ZFP82: variants seen among roughly 807,000 people sequenced by gnomAD.
ZFP82 encodes zinc finger protein 82 homolog.
ZFP82 carries 30 observed loss-of-function variants against 54.0 expected under a neutral mutation model. That is an observed-to-expected ratio of 0.56 (90% CI 0.42 to 0.75). The LOEUF (loss-of-function observed/expected upper bound fraction) is 0.75. ZFP82 is among the 30% of genes least tolerant of loss of function. The pLI is 0.00. For missense variants in ZFP82, 500 were observed against 636.8 expected, an observed-to-expected ratio of 0.79 and a Z score of 2.31; for synonymous variants, 194 against 209.5, an observed-to-expected ratio of 0.93 and a Z score of 0.64.
At chr19:36,416,741 A>G in intron 1 of ZFP82, among the ~76,000 whole-genome samples, 1 of 130,904 alleles carries the variant, frequency 7.6e-6, no homozygotes, top group African/African-American at 2.9e-5. Flanking sequence ...GGGAAATAAG[A>G]GCGAAACTCC....
At position 36,410,443 on chromosome 19, in the gene ZFP82, GTGTGTGTA is replaced by G. The variant is rs938489075; in HGVS notation, c.-78-584_-78-577del. 1.8e-3 allele frequency among the ~76,000 whole-genome samples: 281 copies of G among 151,910 alleles called. 1 individual carries two copies. The highest frequency in any genetic ancestry group is 3.4e-3 in the Middle Eastern group (1 of 294). ...GGGTGTTATATATGTATGTGTGTGT[GTGTGTGTA>G]TATGTGTGTGTATATATATATATTT... On this transcript the variant is annotated intron_variant, in intron 1 of 4. Transcript: ENST00000392161.
In ZFP82 at chr19:36,414,327, G is replaced by GAT. The variant is rs376676952; in HGVS notation, c.-79+4163_-79+4164dup. Among the ~76,000 whole-genome samples, 782 of 149,798 alleles carry GAT rather than the reference G, an allele frequency of 5.2e-3. 7 individuals are homozygous for GAT. Among genetic ancestry groups the GAT allele is most frequent in the African/African-American group, 0.018 (750 of 40,752 alleles). On this transcript the variant is annotated intron_variant, in intron 1 of 4. Transcript: ENST00000392161. ...TTTTCAGCATTGCTCTTAAAACATTGATAAATGTTAGAACTAGGCTTGAAA... is the reference window on the plus strand; with the variant it reads ...TTTTCAGCATTGCTCTTAAAACATTGATATAAATGTTAGAACTAGGCTTGAAA...
chr19:36,405,783 A>G, intron 3 of ZFP82, 111 bp from the exon 4 acceptor site: 1 of 606,164 alleles, frequency 1.6e-6, no homozygotes, highest in Non-Finnish European at 2.6e-6. Context: ...ATAAGGCAAA[A>G]CAAATAAGTG....
chr19:36,401,056 CCTT>C (rs1216028068), intron 4 of ZFP82, among the ~76,000 whole-genome samples: 14 of 82,254 alleles, frequency 1.7e-4, no homozygotes, highest in Non-Finnish European at 2.8e-4. Context: ...AATGGCTGCC[CCTT>C]CTTTTTTTTT....
At chr19:36,394,175 T>G in intron 4 of ZFP82, 65 bp from the exon 5 acceptor site, 1 of 1,367,610 alleles carries the variant, frequency 7.3e-7, no homozygotes, top group Non-Finnish European at 1.0e-6. Flanking sequence ...ACATTTCTAA[T>G]GTAGAAATAA....
At chr19:36,394,228 T>C (rs1212187618) in intron 4 of ZFP82, 118 bp from the exon 5 acceptor site, 2 of 966,852 alleles carry the variant, frequency 2.1e-6, no homozygotes, top group Non-Finnish European at 3.0e-6. Flanking sequence ...TAAAATATTG[T>C]TATACAATTT....
chr19:36,393,354 TGATGTACTCTAAGACCA>T lies in ZFP82; in HGVS notation c.969_985del (p.Gly324GlnfsTer6), dbSNP rs1238504373. On this transcript the variant is annotated frameshift_variant, in exon 5 of 5. Coordinates refer to ENST00000392161, the MANE Select transcript of ZFP82 (RefSeq NM_133466.4). LOFTEE classifies it high-confidence loss of function. ...GGGTTTCTCACCAGTATGAAGTTTG[TGATGTACTCTAAGACCA>T]GAGCCACACAAAAAGGCCTTCCCAC... The T allele has an allele frequency of 6.2e-7, 1 of 1,613,980 alleles. No individual in the cohort carries two copies. The highest frequency in any genetic ancestry group is 8.5e-7 in the Non-Finnish European group (1 of 1,180,032).
rs527833305 is a variant in ZFP82, at chr19:36,414,180, G to A, written c.-79+4312C>T. Among the ~76,000 whole-genome samples, 216 of 151,666 alleles carry A rather than the reference G, an allele frequency of 1.4e-3. 1 individual carries two copies. Among genetic ancestry groups the A allele is most frequent in the Middle Eastern group, 3.4e-3 (1 of 290 alleles). On this transcript the variant is annotated intron_variant, in intron 1 of 4. Coordinates refer to ENST00000392161, the MANE Select transcript of ZFP82 (RefSeq NM_133466.4). ...CTCCCAAAGTGCTGGGATTACAGGC[G>A]TTAGCCACCACACTGGCTTCAATAA...
At chr19:36,403,773 T>C (rs2032435472) in intron 4 of ZFP82, among the ~76,000 whole-genome samples, 1 of 151,954 alleles carries the variant, frequency 6.6e-6, no homozygotes, top group South Asian at 2.1e-4. Flanking sequence ...AATACATAGA[T>C]AGAAAAATCA....
chr19:36,384,594 T>G (rs1239538263), downstream of ZFP82, among the ~76,000 whole-genome samples: 2 of 152,174 alleles, frequency 1.3e-5, no homozygotes, highest in Non-Finnish European at 1.5e-5. Context: ...TACACAGAGC[T>G]CTCATACATG....
rs375155109 is a variant in ZFP82 at position 36,394,063 on chromosome 19, T to C, written c.277A>G (p.Ile93Val). The change falls in exon 5 of 5, where the codon ATT becomes GTT. Residue 93 changes from isoleucine (I) to valine (V), a missense_variant. Physicochemically the swap from Ile to Val is conservative, Grantham distance 29 (BLOSUM62 3). Coordinates refer to ENST00000392161, the MANE Select transcript of ZFP82 (RefSeq NM_133466.4). The part of the protein sequence containing the change: ...ETKKLSLEND[I>V]YEINLSQWKI... ...CACTGGGATAAATTTATTTCATAAA[T>C]GTCATTTTCTAAAGATAACTTCTTG... The C allele has an allele frequency of 5.0e-6, 8 of 1,611,022 alleles. No individual in the cohort carries two copies. The highest frequency in any genetic ancestry group is 6.8e-6 in the Non-Finnish European group (8 of 1,179,394).
chr19:36,418,263 C>T (rs1471877446), intron 1 of ZFP82, among the ~76,000 whole-genome samples: 1 of 151,934 alleles, frequency 6.6e-6, no homozygotes, highest in African/African-American at 2.4e-5. Context: ...CAGAAACTGA[C>T]CGAGGGCCAT....
intron 3 of ZFP82, 112 bp from the exon 4 acceptor site, chr19:36,405,784 C>T: frequency 3.3e-6 from 2 of 599,054 alleles, no homozygotes; most frequent in Non-Finnish European, 5.3e-6. Flanking sequence ...TAAGGCAAAA[C>T]AAATAAGTGA....
chr19:36,404,159 A>G (rs2032442550), intron 4 of ZFP82, among the ~76,000 whole-genome samples: 1 of 152,196 alleles, frequency 6.6e-6, no homozygotes, highest in Non-Finnish European at 1.5e-5. Context: ...CCCAGCTCCA[A>G]GGCCACCTGT....
chr19:36,417,895 C>A (rs754770447), intron 1 of ZFP82, among the ~76,000 whole-genome samples: 9 of 152,066 alleles, frequency 5.9e-5, no homozygotes, highest in Non-Finnish European at 1.3e-4. Flanking sequence ...GGAGCGGGGG[C>A]TCGTTCAGTT....
chr19:36,385,684 G>A (rs192572834), downstream of ZFP82, among the ~76,000 whole-genome samples: 612 of 152,314 alleles, frequency 4.0e-3, 2 homozygotes, highest in Admixed American at 7.5e-3. Flanking sequence ...TTCTGGTGAG[G>A]TCTCAGCTGG....
intron 4 of ZFP82, among the ~76,000 whole-genome samples, chr19:36,398,282 T>C (rs1344924587): frequency 6.6e-6 from 1 of 152,200 alleles, no homozygotes; most frequent in East Asian, 1.9e-4. Flanking sequence ...CTCACACCTG[T>C]AATCCCAACA....
intron 3 of ZFP82, among the ~76,000 whole-genome samples, chr19:36,406,271 A>G (rs1034188564): frequency 2.6e-5 from 4 of 152,222 alleles, no homozygotes; most frequent in African/African-American, 4.8e-5. Context: ...TATATAACAT[A>G]AAACCTACCT....
At chr19:36,399,916 T>A (rs931728498) in intron 4 of ZFP82, among the ~76,000 whole-genome samples, 2 of 152,228 alleles carry the variant, frequency 1.3e-5, no homozygotes, top group Non-Finnish European at 2.9e-5. Context: ...AATAATAGAC[T>A]TCATATTATG....
Sources: gnomAD v4.1 joint callset for allele counts (sites outside exome capture counted in the v4.1 genomes callset) on GRCh38, gnomAD v4.1.1 for gene constraint, MANE v1.5 for transcripts, NCBI Gene and HGNC (gene_info 2026-07-23, HGNC 2026-07-21) for gene names.